The following CLEC12A variants were observed in gnomAD, a reference collection of about 807,000 sequenced individuals.
CLEC12A encodes the protein C-type lectin domain family 12 member A, also known as C-type lectin protein CLL-1.
CLEC12A carries 22 observed loss-of-function variants against 26.5 expected under a neutral mutation model. The ratio of observed to expected loss-of-function variants is 0.83; its 90% CI spans 0.59 to 1.19. The LOEUF (loss-of-function observed/expected upper bound fraction) is 1.19, where lower values mean the gene tolerates loss of function less well. Among genes scored for constraint, CLEC12A ranks in the 50% most tolerant of loss-of-function variants. The pLI, the probability that CLEC12A is intolerant of heterozygous loss-of-function variation, is 0.00. For missense variants in CLEC12A, 353 were observed against 315.6 expected, an observed-to-expected ratio of 1.12 and a Z score of -0.90; for synonymous variants, 119 against 101.9, an observed-to-expected ratio of 1.17 and a Z score of -1.01.
chr12:9,966,980 C>T (rs1402571355), upstream of CLEC12A, among the ~76,000 whole-genome samples: 3 of 150,944 alleles, frequency 2.0e-5, no homozygotes, highest in Non-Finnish European at 4.4e-5. Context: ...ATGCCTTTAG[C>T]TCCAGCCACC....
chr12:9,951,483 A>G (rs1863608337), intron 1 of CLEC12A: 5 of 688,442 alleles, frequency 7.3e-6, no homozygotes, highest in Non-Finnish European at 1.3e-5. Context: ...TGACTGTTCC[A>G]GTTCAGACAC....
chr12:9,994,830 C>CGT (rs1277567876), intron 4 of CLEC12A, among the ~76,000 whole-genome samples: 1 of 138,376 alleles, frequency 7.2e-6, no homozygotes, highest in Admixed American at 7.7e-5. Flanking sequence ...CATGTGCATG[C>CGT]GCGCACACAC....
intron 1 of CLEC12A, among the ~76,000 whole-genome samples, chr12:9,957,505 CAAAA>C (rs1565546241): frequency 1.5e-5 from 2 of 137,424 alleles, no homozygotes; most frequent in Admixed American, 7.2e-5. Flanking sequence ...AAAAAAAAAA[CAAAA>C]AAACAAAAAA....
rs1864458941 is a variant in CLEC12A at position 9,979,321 on chromosome 12, T to G, written c.191-15T>G. ...TTGAGAATTTACAATTTTTTGTCAT[T>G]TTTTTAATGTGGAGTTCACGTAACT... On this transcript the variant is annotated splice_polypyrimidine_tract_variant and intron_variant, in intron 2 of 5. Transcript: ENST00000304361. 3 of 1,549,870 alleles carry G rather than the reference T, an allele frequency of 1.9e-6. No homozygotes were observed. Among genetic ancestry groups the G allele is most frequent in the Admixed American group, 1.9e-5 (1 of 51,882 alleles).
chr12:9,951,399 T>C (rs1290854589), intron 1 of CLEC12A: 2 of 702,844 alleles, frequency 2.8e-6, no homozygotes, highest in Admixed American at 4.0e-5. Flanking sequence ...ATGGCTCCTC[T>C]CAATTTGAGA....
chr12:9,972,089 G>A (rs1436068526), intron 1 of CLEC12A, among the ~76,000 whole-genome samples: 1 of 151,600 alleles, frequency 6.6e-6, no homozygotes, highest in African/African-American at 2.4e-5. Flanking sequence ...AATGCTTTGT[G>A]TCAGACAGAG....
At chr12:9,969,649 G>A (rs629765), upstream of CLEC12A, among the ~76,000 whole-genome samples, 150,296 of 152,354 alleles carry the variant, frequency 0.99, 74,161 homozygotes, top group East Asian at 1. Context: ...TTCCACATGA[G>A]ACAGCAGAGC....
chr12:9,986,430 T>C (rs968419452), downstream of CLEC12A, among the ~76,000 whole-genome samples: 1 of 143,190 alleles, frequency 7.0e-6, no homozygotes, highest in African/African-American at 2.5e-5. Flanking sequence ...CCCCCCTTTT[T>C]TTCTATTAAA....
At chr12:9,982,682 G>T (rs1336267701) in intron 5 of CLEC12A, among the ~76,000 whole-genome samples, 1 of 152,108 alleles carries the variant, frequency 6.6e-6, no homozygotes, top group Non-Finnish European at 1.5e-5. Context: ...TTGCAATTTT[G>T]TTATATAAAT....
chr12:9,981,828 T>C (rs1367902379), intron 4 of CLEC12A, among the ~76,000 whole-genome samples, 192 bp from the exon 5 acceptor site: 1 of 152,168 alleles, frequency 6.6e-6, no homozygotes, highest in Non-Finnish European at 1.5e-5. Flanking sequence ...AGACCAGCAA[T>C]GATATTGTTA....
chr12:9,992,742 C>T (rs613871), intron 4 of CLEC12A: 75,302 of 157,016 alleles, frequency 0.48, 18,537 homozygotes, highest in East Asian at 0.71. Context: ...TATCTTACAC[C>T]GCCTTTCAAA....
chr12:9,966,766 T>G (rs1863964285), upstream of CLEC12A, among the ~76,000 whole-genome samples: 1 of 147,144 alleles, frequency 6.8e-6, no homozygotes, highest in Non-Finnish European at 1.5e-5. Flanking sequence ...TTTTGGAGTT[T>G]TATTTAATGT....
At chr12:9,973,091 T>C (rs1864190250) in intron 1 of CLEC12A, among the ~76,000 whole-genome samples, 2 of 152,292 alleles carry the variant, frequency 1.3e-5, no homozygotes, top group African/African-American at 2.4e-5. Context: ...TTATGTAATA[T>C]AACATTGTAT....
intron 4 of CLEC12A, chr12:9,991,895 T>C (rs1470327359): frequency 1.3e-5 from 2 of 152,154 alleles, no homozygotes; most frequent in East Asian, 3.8e-4. Context: ...TTTCTCTAAC[T>C]GTATTAAAGA....
the CLEC12A span, among the ~76,000 whole-genome samples, chr12:10,005,937 C>T: frequency 6.6e-6 from 1 of 152,156 alleles, no homozygotes; most frequent in Non-Finnish European, 1.5e-5. Flanking sequence ...TTAAACCCCA[C>T]TTTAAAAGTG....
intron 1 of CLEC12A, among the ~76,000 whole-genome samples, chr12:9,958,632 G>A (rs973492353): frequency 1.9e-4 from 29 of 152,176 alleles, no homozygotes; most frequent in African/African-American, 7.0e-4. Flanking sequence ...AGCCCACCAC[G>A]AGTTTTGCCT....
chr12:9,975,315 G>A (rs1864293885), intron 1 of CLEC12A, among the ~76,000 whole-genome samples: 1 of 152,162 alleles, frequency 6.6e-6, no homozygotes, highest in Non-Finnish European at 1.5e-5. Flanking sequence ...GGACAGTTTG[G>A]CACTTCCTAG....
intron 5 of CLEC12A, among the ~76,000 whole-genome samples, chr12:9,982,907 G>A (rs1210688281): frequency 6.6e-6 from 1 of 152,060 alleles, no homozygotes; most frequent in East Asian, 1.9e-4. Context: ...TTACGTTCCT[G>A]AGTTATTTCA....
At chr12:9,997,881 AG>A (rs1472004904), downstream of CLEC12A, among the ~76,000 whole-genome samples, 3 of 152,208 alleles carry the variant, frequency 2.0e-5, no homozygotes, top group Non-Finnish European at 4.4e-5. Flanking sequence ...AGAAAATTTT[AG>A]GTAGAGAGAA....
Sources: gnomAD v4.1 joint callset for allele counts (sites outside exome capture counted in the v4.1 genomes callset) on GRCh38, gnomAD v4.1.1 for gene constraint, MANE v1.5 for transcripts, NCBI Gene and HGNC (gene_info 2026-07-23, HGNC 2026-07-21) for gene names.